The following DGKB variants were observed in gnomAD, a reference collection of about 807,000 sequenced individuals.
DGKB encodes the protein diacylglycerol kinase beta.
Under a neutral mutation model 114.3 loss-of-function variants are expected in DGKB, and 67 were observed. The observed-to-expected ratio is 0.59, with a 90% confidence interval of 0.48 to 0.72. The LOEUF is 0.72. DGKB is among the 30% of genes least tolerant of loss of function. DGKB has a pLI of 0.00. For missense variants in DGKB, 907 were observed against 975.2 expected, an observed-to-expected ratio of 0.93 and a Z score of 0.93; for synonymous variants, 398 against 323.1, an observed-to-expected ratio of 1.23 and a Z score of -2.49.
intron 13 of DGKB, among the ~76,000 whole-genome samples, chr7:14,662,463 T>C (rs1363842441): frequency 1.3e-5 from 2 of 151,810 alleles, no homozygotes; most frequent in African/African-American, 4.8e-5. Flanking sequence ...AATAACACAG[T>C]ATGGGGAAAA....
At chr7:14,720,483 G>A (rs1183505724) in intron 5 of DGKB, among the ~76,000 whole-genome samples, 949 of 50,898 alleles carry the variant, frequency 0.019, 14 homozygotes, top group African/African-American at 0.039. Flanking sequence ...TTGTGTGTGT[G>A]TGTGTGTGTG....
chr7:14,279,149 C>T (rs1799483263), intron 23 of DGKB, among the ~76,000 whole-genome samples: 1 of 152,202 alleles, frequency 6.6e-6, no homozygotes, highest in Non-Finnish European at 1.5e-5. Context: ...GGGTCACTCC[C>T]ACCCGAATAC....
intron 1 of DGKB, among the ~76,000 whole-genome samples, chr7:14,917,439 G>C (rs1562874217): frequency 6.6e-6 from 1 of 151,860 alleles, no homozygotes; most frequent in Non-Finnish European, 1.5e-5. Flanking sequence ...TAGCAAAATA[G>C]AGGTCATCAC....
At chr7:14,537,725 G>T (rs142233589) in intron 20 of DGKB, among the ~76,000 whole-genome samples, 241 of 152,220 alleles carry the variant, frequency 1.6e-3, no homozygotes, top group Middle Eastern at 6.8e-3. Context: ...TGTTAACATT[G>T]ATCTTGACAA....
intron 23 of DGKB, among the ~76,000 whole-genome samples, chr7:14,294,002 T>C (rs1802146513): frequency 6.6e-6 from 1 of 152,076 alleles, no homozygotes; most frequent in South Asian, 2.1e-4. Context: ...CAACAAGAGG[T>C]CTCTCTCGGC....
At chr7:14,916,734 A>G (rs1784256283) in intron 1 of DGKB, among the ~76,000 whole-genome samples, 1 of 152,132 alleles carries the variant, frequency 6.6e-6, no homozygotes, top group African/African-American at 2.4e-5. Flanking sequence ...GACAGCTCCA[A>G]CAGGCAGAAA....
At chr7:14,832,368 C>T (rs1398735416) in intron 2 of DGKB, among the ~76,000 whole-genome samples, 2 of 152,004 alleles carry the variant, frequency 1.3e-5, no homozygotes. Context: ...ATGTCTTTCT[C>T]TCCTATGCAG....
intron 3 of DGKB, among the ~76,000 whole-genome samples, chr7:14,757,221 T>C (rs749212604): frequency 1.1e-4 from 17 of 152,052 alleles, no homozygotes; most frequent in Non-Finnish European, 2.1e-4. Flanking sequence ...CCAATATCCA[T>C]TTTGGATTGA....
intron 2 of DGKB, among the ~76,000 whole-genome samples, chr7:14,823,041 T>A (rs778557279): frequency 5.3e-5 from 8 of 151,980 alleles, no homozygotes; most frequent in African/African-American, 1.2e-4. Flanking sequence ...TTAAAAAAAA[T>A]TTAAGAATTA....
At chr7:14,739,758 G>C (rs1832279778) in intron 4 of DGKB, among the ~76,000 whole-genome samples, 1 of 152,146 alleles carries the variant, frequency 6.6e-6, no homozygotes, top group South Asian at 2.1e-4. Context: ...CGTCACTCTT[G>C]GGTTTGGGAA....
At chr7:14,656,321 A>G (rs376107499) in intron 13 of DGKB, among the ~76,000 whole-genome samples, 11 of 151,690 alleles carry the variant, frequency 7.3e-5, no homozygotes, top group Admixed American at 3.3e-4. Context: ...GATATTATAT[A>G]GACACCTATG....
At chr7:14,348,158 C>A (rs1057239133) in intron 21 of DGKB, among the ~76,000 whole-genome samples, 8 of 149,996 alleles carry the variant, frequency 5.3e-5, no homozygotes, top group African/African-American at 2.0e-4. Flanking sequence ...CCCACTTCTA[C>A]CTGCCCCCAC....
intron 21 of DGKB, among the ~76,000 whole-genome samples, chr7:14,392,823 A>C (rs943195999): frequency 2.0e-5 from 3 of 152,086 alleles, no homozygotes; most frequent in Non-Finnish European, 4.4e-5. Context: ...ACTGACTAGA[A>C]GACATTTATT....
chr7:14,392,110 T>C (rs975831100), intron 21 of DGKB, among the ~76,000 whole-genome samples: 1 of 152,190 alleles, frequency 6.6e-6, no homozygotes, highest in African/African-American at 2.4e-5. Context: ...AATACCAAAA[T>C]GTATCTATCT....
intron 1 of DGKB, among the ~76,000 whole-genome samples, chr7:14,913,636 A>C (rs1784097473): frequency 6.6e-6 from 1 of 151,904 alleles, no homozygotes; most frequent in Non-Finnish European, 1.5e-5. Flanking sequence ...GAAGGAGGCA[A>C]ACTAAATTGA....
intron 1 of DGKB, among the ~76,000 whole-genome samples, chr7:14,941,513 T>G (rs1393863885): frequency 6.6e-6 from 1 of 152,116 alleles, no homozygotes; most frequent in Non-Finnish European, 1.5e-5. Flanking sequence ...ACAAAGTCAG[T>G]GTTCATTCCA....
chr7:14,549,567 A>C (rs1794812163), intron 20 of DGKB, among the ~76,000 whole-genome samples: 1 of 152,216 alleles, frequency 6.6e-6, no homozygotes. Context: ...CTGGTTCAGT[A>C]TTCAAAACCC....
At chr7:14,837,027 G>A (rs1330764723) in intron 2 of DGKB, among the ~76,000 whole-genome samples, 2 of 152,104 alleles carry the variant, frequency 1.3e-5, no homozygotes, top group Non-Finnish European at 2.9e-5. Flanking sequence ...AATTTGCCAG[G>A]CACGGCTCTC....
chr7:14,726,738 T>C (rs1159455568), intron 5 of DGKB, among the ~76,000 whole-genome samples: 1 of 152,252 alleles, frequency 6.6e-6, no homozygotes, highest in Non-Finnish European at 1.5e-5. Context: ...CACATATATT[T>C]GCCAAATCTT....
Sources: gnomAD v4.1 joint callset for allele counts (sites outside exome capture counted in the v4.1 genomes callset) on GRCh38, gnomAD v4.1.1 for gene constraint, MANE v1.5 for transcripts, NCBI Gene and HGNC (gene_info 2026-07-23, HGNC 2026-07-21) for gene names.